AMD1: variants seen among roughly 807,000 people sequenced by gnomAD.
AMD1 encodes the protein S-adenosylmethionine decarboxylase proenzyme.
Under a neutral mutation model 40.2 loss-of-function variants are expected in AMD1, and 11 were observed. The ratio of observed to expected loss-of-function variants is 0.27; its 90% confidence interval spans 0.17 to 0.45. The LOEUF is 0.45. Among genes scored for constraint, AMD1 ranks in the 20% least tolerant of loss-of-function variants. The probability of loss-of-function intolerance (pLI) is 1.00; values close to 1 mark genes in which losing one functional copy is unlikely to be tolerated. For synonymous variants in AMD1, 121 were observed against 130.8 expected (o/e 0.93, Z 0.51); for missense variants, 257 against 410.2 (o/e 0.63, Z 3.23).
rs1177288934 is a variant in AMD1 at position 110,892,553 on chromosome 6, T to C, written c.615+110T>C. 6.7e-6 allele frequency: 10 copies of C among 1,489,622 alleles called. No homozygotes were observed. In the South Asian group the frequency reaches 7.3e-5, roughly 11 times the overall value. 92.3% of individuals were successfully genotyped at this position (1,489,622 alleles called of 1,614,324 possible). A position where few individuals can be genotyped will look rare whatever the true frequency, so the allele number is the denominator to read the frequency against. On this transcript the variant is annotated intron_variant, in intron 6 of 8. Transcript: ENST00000368885. Reference sequence around the variant, plus strand: ...GGGTAACAAGTGCTAGTTTGTTACATAGGTAAACTTGTGTCATGGGGGTTT... The same window carrying C: ...GGGTAACAAGTGCTAGTTTGTTACACAGGTAAACTTGTGTCATGGGGGTTT...
At chr6:110,820,240 CT>C in the AMD1 span, among the ~76,000 whole-genome samples, 257 of 141,810 alleles carry the variant, frequency 1.8e-3, no homozygotes, top group African/African-American at 2.5e-3. Context: ...TTCTTTCTTT[CT>C]TTTTTTTTTT....
the AMD1 span, among the ~76,000 whole-genome samples, chr6:110,840,181 C>A: frequency 6.6e-6 from 1 of 151,928 alleles, no homozygotes. Context: ...CCGACCTGGC[C>A]GTTCTCAGGA....
the AMD1 span, among the ~76,000 whole-genome samples, chr6:110,836,235 A>G: frequency 1.3e-5 from 2 of 152,124 alleles, no homozygotes; most frequent in Non-Finnish European, 2.9e-5. Context: ...AGATACATGA[A>G]CAACAACAAA....
the AMD1 span, among the ~76,000 whole-genome samples, chr6:110,853,812 ACT>A: frequency 6.6e-6 from 1 of 152,040 alleles, no homozygotes. Flanking sequence ...CTATTTTGCC[ACT>A]CTGTCTACAA....
intron 1 of AMD1, 25 bp from the exon 2 acceptor site, chr6:110,887,480 T>C: frequency 6.4e-7 from 1 of 1,562,632 alleles, no homozygotes; most frequent in Non-Finnish European, 8.7e-7. Flanking sequence ...TGTGGATTAA[T>C]CGTAACTTTT....
At chr6:110,888,830 T>A in intron 2 of AMD1, 27 bp from the exon 3 acceptor site, 2 of 1,606,488 alleles carry the variant, frequency 1.2e-6, no homozygotes, top group Non-Finnish European at 1.7e-6. Context: ...AGTATTGTTA[T>A]AATATTGTGA....
the AMD1 span, among the ~76,000 whole-genome samples, chr6:110,832,010 ATTTTTTTTT>A: frequency 7.8e-6 from 1 of 128,258 alleles, no homozygotes; most frequent in African/African-American, 3.0e-5. Flanking sequence ...TGCCTGGCTA[ATTTTTTTTT>A]TTTTTTTTTT....
chr6:110,882,288 AC>A (rs1311250203), intron 1 of AMD1, among the ~76,000 whole-genome samples: 6 of 152,362 alleles, frequency 3.9e-5, no homozygotes, highest in Middle Eastern at 3.4e-3. Flanking sequence ...CAGAAAGCAG[AC>A]CACTGAAAAC....
At chr6:110,873,105 G>C (rs1784947774), upstream of AMD1, among the ~76,000 whole-genome samples, 1 of 152,164 alleles carries the variant, frequency 6.6e-6, no homozygotes, top group African/African-American at 2.4e-5. Flanking sequence ...GCTGGGTGCG[G>C]TGGCCTCCCA....
At chr6:110,817,336 G>A in the AMD1 span, among the ~76,000 whole-genome samples, 1 of 152,200 alleles carries the variant, frequency 6.6e-6, no homozygotes, top group African/African-American at 2.4e-5. Flanking sequence ...CAGGCTGGGT[G>A]CAGTGGCTCA....
chr6:110,833,217 A>G, the AMD1 span, among the ~76,000 whole-genome samples: 15 of 152,242 alleles, frequency 9.9e-5, no homozygotes, highest in Admixed American at 2.0e-4. Context: ...CTAGCAGTTT[A>G]CAGTACTCCA....
At chr6:110,840,876 G>A in the AMD1 span, among the ~76,000 whole-genome samples, 1 of 152,084 alleles carries the variant, frequency 6.6e-6, no homozygotes, top group Non-Finnish European at 1.5e-5. Context: ...CTATAACAAG[G>A]AATATGGGAG....
intron 4 of AMD1, chr6:110,891,726 T>A (rs967949949): frequency 5.4e-6 from 1 of 184,510 alleles, no homozygotes; most frequent in Non-Finnish European, 1.2e-5. Context: ...ACCTACTGTT[T>A]CCATTCCTTT....
chr6:110,855,079 T>A, the AMD1 span, among the ~76,000 whole-genome samples: 167 of 145,798 alleles, frequency 1.1e-3, 2 homozygotes, highest in East Asian at 0.021. Context: ...TTTTTTTTTT[T>A]TTTTTTTTTT....
the AMD1 span, among the ~76,000 whole-genome samples, chr6:110,866,469 G>A: frequency 3.9e-5 from 6 of 152,086 alleles, no homozygotes; most frequent in African/African-American, 9.7e-5. Flanking sequence ...ACAAGTCATC[G>A]CCCACCCCCA....
chr6:110,862,038 G>A, the AMD1 span, among the ~76,000 whole-genome samples: 2 of 85,994 alleles, frequency 2.3e-5, no homozygotes, highest in East Asian at 7.4e-4. Context: ...TTTTTTTTTC[G>A]AGATGGAGTC....
At chr6:110,863,019 A>G in the AMD1 span, among the ~76,000 whole-genome samples, 5 of 151,912 alleles carry the variant, frequency 3.3e-5, no homozygotes, top group African/African-American at 1.2e-4. Flanking sequence ...ATCTCGGCTC[A>G]CTGCAAGCTC....
chr6:110,814,868 T>C, the AMD1 span: 1 of 1,104,526 alleles, frequency 9.1e-7, no homozygotes, highest in South Asian at 1.4e-5. Flanking sequence ...CCCCTCGGAG[T>C]CGGTGTCCGG....
In AMD1 at chr6:110,894,560, A is replaced by AGCACCC. The variant is rs1786205476; in HGVS notation, c.*945_*950dup. On this transcript the variant is annotated 3_prime_UTR_variant, in exon 9 of 9. Transcript: ENST00000368885. Reference sequence around the variant, plus strand: ...TAAATGAGATTAGCGTCTAATGAGTAGCACCCCTTTACTAACTTAGTAGTA... The same window carrying AGCACCC: ...TAAATGAGATTAGCGTCTAATGAGTAGCACCCGCACCCCTTTACTAACTTAGTAGTA... The AGCACCC allele has an allele frequency of 1.3e-5, 2 of 152,250 alleles. No homozygotes were observed. Among genetic ancestry groups the AGCACCC allele is most frequent in the African/African-American group, 4.8e-5 (2 of 41,468 alleles). The allele number at this position is 152,250 out of a possible 1,614,324, so 9.4% of individuals were successfully genotyped here. A position where few individuals can be genotyped will look rare whatever the true frequency, so the allele number is the denominator to read the frequency against.
Sources: gnomAD v4.1 joint callset for allele counts (sites outside exome capture counted in the v4.1 genomes callset) on GRCh38, gnomAD v4.1.1 for gene constraint, MANE v1.5 for transcripts, NCBI Gene and HGNC (gene_info 2026-07-23, HGNC 2026-07-21) for gene names.